TGM7: variants seen among roughly 807,000 people sequenced by gnomAD.
The protein encoded by TGM7 is protein-glutamine gamma-glutamyltransferase Z.
Under a neutral mutation model 79.5 loss-of-function variants are expected in TGM7, and 74 were observed. That is an observed-to-expected ratio of 0.93 (90% CI 0.77 to 1.13). The LOEUF (loss-of-function observed/expected upper bound fraction) is 1.13, where lower values mean the gene tolerates loss of function less well. Among genes scored for constraint, TGM7 ranks in the 50% most tolerant of loss-of-function variants. The pLI, the probability that TGM7 is intolerant of heterozygous loss-of-function variation, is 0.00. For synonymous variants in TGM7, 354 were observed against 362.5 expected (o/e 0.98, Z 0.27); for missense variants, 912 against 905.9 (o/e 1.01, Z -0.09).
intron 7 of TGM7, 119 bp downstream of exon 7, chr15:43,284,695 A>T (rs1057023208): frequency 4.0e-6 from 5 of 1,250,508 alleles, no homozygotes; most frequent in Non-Finnish European, 5.7e-6. Context: ...TTCTCTGAGC[A>T]TTAGCAGCAA....
chr15:43,289,307 G>A (rs1320584425), intron 4 of TGM7, among the ~76,000 whole-genome samples: 5 of 151,590 alleles, frequency 3.3e-5, no homozygotes, highest in East Asian at 3.9e-4. Flanking sequence ...GTGAGGACAT[G>A]TGGTGTTTGG....
chr15:43,297,654 A>AAAGAAAGAAAAAGC, intron 1 of TGM7, among the ~76,000 whole-genome samples: 1 of 152,336 alleles, frequency 6.6e-6, no homozygotes, highest in African/African-American at 2.4e-5. Flanking sequence ...AAAGAAAAAG[A>AAAGAAAGAAAAAGC]CATTGAAACA....
Position 43,287,303 on chromosome 15 carries a change from A to ACCCAGCACTGCCCTTCCAGTG in TGM7, c.841_842insCACTGGAAGGGCAGTGCTGGG (p.Trp280_Val281insAlaLeuGluGlyGlnCysTrp). The ACCCAGCACTGCCCTTCCAGTG allele has an allele frequency of 6.2e-6, 10 of 1,613,662 alleles. No individual in the cohort carries two copies. The highest frequency in any genetic ancestry group is 7.6e-6 in the Non-Finnish European group (9 of 1,180,002). ...ACCGGTGCACATAACAGAGGCGAAG[A>ACCCAGCACTGCCCTTCCAGTG]CCCAGCACTGTCCGTACTTCACAGG... On this transcript the variant is annotated inframe_insertion, in exon 6 of 13. Transcript: ENST00000452443.
At chr15:43,279,400 G>T in intron 10 of TGM7, 123 bp from the exon 11 acceptor site, 1 of 1,210,608 alleles carries the variant, frequency 8.3e-7, no homozygotes, top group Non-Finnish European at 1.2e-6. Context: ...GTGAGAGACA[G>T]ACAGACAGCG....
At chr15:43,295,194 C>T (rs140519459) in intron 1 of TGM7, among the ~76,000 whole-genome samples, 278 of 152,328 alleles carry the variant, frequency 1.8e-3, no homozygotes, top group South Asian at 0.015. Context: ...CAGTCTTCAT[C>T]TAAGTAATCA....
At chr15:43,301,944 G>A (rs2043027374) in intron 1 of TGM7, among the ~76,000 whole-genome samples, 1 of 152,188 alleles carries the variant, frequency 6.6e-6, no homozygotes, top group African/African-American at 2.4e-5. Flanking sequence ...GACACCTGGT[G>A]GCAGGGGCCA....
intron 3 of TGM7, among the ~76,000 whole-genome samples, chr15:43,292,432 G>A (rs966407363): frequency 2.6e-5 from 4 of 152,102 alleles, no homozygotes; most frequent in Admixed American, 6.6e-5. Flanking sequence ...GACACCCACC[G>A]TTATGTTTTG....
intron 1 of TGM7, among the ~76,000 whole-genome samples, chr15:43,294,235 G>A (rs1489377784): frequency 6.6e-6 from 1 of 152,188 alleles, no homozygotes; most frequent in Non-Finnish European, 1.5e-5. Context: ...CACTCTCTGG[G>A]TCACTTGTAA....
At position 43,276,867 on chromosome 15, in the gene TGM7, T is replaced by C. The variant is rs1482087637; in HGVS notation, c.1968A>G (p.Ala656=). 1.2e-6 allele frequency: 2 copies of C among 1,614,060 alleles called. No individual in the cohort carries two copies. Among genetic ancestry groups the C allele is most frequent in the Admixed American group, 3.3e-5 (2 of 60,010 alleles). ...EGSGLINGQI[A]KDLGTLVAGH... Reference sequence around the variant, plus strand: ...TGGGCAGAAGCGTCACTTACTCCTTTGCTATCTGCCCATTGATGAGGCCGC... The same window carrying C: ...TGGGCAGAAGCGTCACTTACTCCTTCGCTATCTGCCCATTGATGAGGCCGC... Residue 656 remains alanine, a synonymous_variant, in exon 12 of 13, where the codon GCA becomes GCG. Coordinates refer to ENST00000452443, the MANE Select transcript of TGM7 (RefSeq NM_052955.3).
rs774044059 is a variant in TGM7, at chr15:43,292,924, C to T, written c.224G>A (p.Arg75Gln). Residue 75 changes from arginine to glutamine, a missense_variant, in exon 3 of 13, where the codon CGA becomes CAA. Coordinates refer to ENST00000452443, the MANE Select transcript of TGM7 (RefSeq NM_052955.3). ...GPKPSELLGT[R>Q]ATFFLTRVQP... Reference sequence around the variant, plus strand: ...GACCCGGGTGAGGAAGAATGTGGCTCGGGTCCCCAGCAGCTCTGACGGCTT... The same window carrying T: ...GACCCGGGTGAGGAAGAATGTGGCTTGGGTCCCCAGCAGCTCTGACGGCTT... The T allele has an allele frequency of 7.4e-6, 12 of 1,613,410 alleles. No individual in the cohort carries two copies. Among genetic ancestry groups the T allele is most frequent in the African/African-American group, 6.7e-5 (5 of 74,912 alleles).
In TGM7 at chr15:43,299,770, T is replaced by C. The variant is rs558010; in HGVS notation, c.10+2471A>G. On this transcript the variant is annotated intron_variant, in intron 1 of 12. Coordinates refer to ENST00000452443, the MANE Select transcript of TGM7 (RefSeq NM_052955.3). ...TGTCCATTTTTAGGACTTTTACAAA[T>C]ACGTTATTCTTTTTCATTTCTTCCC... Among the ~76,000 whole-genome samples the C allele has an allele frequency of 3.4e-3, 513 of 152,378 alleles. 1 individual carries two copies. Among genetic ancestry groups the C allele is most frequent in the African/African-American group, 0.011 (457 of 41,594 alleles).
chr15:43,283,679 GCCTAAGTTACATAT>G (rs1414968106), intron 7 of TGM7, among the ~76,000 whole-genome samples: 1 of 152,170 alleles, frequency 6.6e-6, no homozygotes, highest in Non-Finnish European at 1.5e-5. Context: ...ACAGAACTGT[GCCTAAGTTACATAT>G]CCTCAGATAC....
chr15:43,279,216 C>G lies in TGM7; in HGVS notation c.1740G>C (p.Lys580Asn). 10 of 1,614,170 alleles carry G rather than the reference C, an allele frequency of 6.2e-6. No individual in the cohort carries two copies. Among genetic ancestry groups the G allele is most frequent in the Non-Finnish European group, 8.5e-6 (10 of 1,180,034 alleles). The part of the protein sequence containing the change: ...SNYRNKLTDE[K>N]LIRVSGIAEV... ...CCGCGATGCCAGACACGCGGATGAG[C>G]TTTTCGTCCGTTAGCTTGTTTCTGT... is the stretch of plus-strand genomic sequence containing the variant. Residue 580 changes from lysine (K) to asparagine (N), a missense_variant, in exon 11 of 13, where the codon AAG becomes AAC. Lys to Asn is a moderately conservative substitution (Grantham distance 94, BLOSUM62 0). Transcript: ENST00000452443.
At position 43,282,535 on chromosome 15, in the gene TGM7, G is replaced by A. The variant is rs1466582042; in HGVS notation, c.1090C>T (p.Pro364Ser). ...CACTCACCACTGCTGGTCTGCTGGG[G>A]AGTGGGGTCCAGAACCTGCCACCCG... ...YNGWQVLDPT[P>S]QQTSSGLFCC... The change falls in exon 8 of 13, where the codon CCC becomes TCC. Residue 364 changes from proline (P) to serine (S), a missense_variant. Pro to Ser is a moderately conservative substitution (Grantham distance 74). Transcript: ENST00000452443. 1 of 1,594,418 alleles carries A rather than the reference G, an allele frequency of 6.3e-7. No homozygotes were observed. The highest frequency in any genetic ancestry group is 8.5e-7 in the Non-Finnish European group (1 of 1,169,608).
At chr15:43,300,932 C>T (rs2043022393) in intron 1 of TGM7, among the ~76,000 whole-genome samples, 1 of 152,190 alleles carries the variant, frequency 6.6e-6, no homozygotes, top group Non-Finnish European at 1.5e-5. Flanking sequence ...CTTCTTGAGC[C>T]TTCTCTGTCA....
At position 43,293,599 on chromosome 15, in the gene TGM7, G is replaced by T; in HGVS notation, c.43C>A (p.Gln15Lys). Residue 15 changes from glutamine (Q) to lysine (K), a missense_variant, in exon 2 of 13, where the codon CAG becomes AAG. Physicochemically the swap from Gln to Lys is moderately conservative, Grantham distance 53. Transcript: ENST00000452443. ...ATLRLESVDL[Q>K]SSRNNKEHHT... ...TGCTCCTTGTTGTTCCTGGAGCTCT[G>T]CAGGTCGACAGACTCAAGCCGCAAG... 6.2e-7 allele frequency: 1 copy of T among 1,609,202 alleles called. No homozygotes were observed. The highest frequency in any genetic ancestry group is 1.3e-5 in the African/African-American group (1 of 74,254).
rs542860879 is a variant in TGM7, at chr15:43,299,785, C to T, written c.10+2456G>A. Among the ~76,000 whole-genome samples the T allele has an allele frequency of 2.6e-5, 4 of 152,250 alleles. No individual in the cohort carries two copies. In the South Asian group the frequency reaches 8.3e-4, roughly 32 times the overall value. On this transcript the variant is annotated intron_variant, in intron 1 of 12. Transcript: ENST00000452443. ...CTTTTACAAATACGTTATTCTTTTT[C>T]ATTTCTTCCCTTCTTACAAAATGTG...
chr15:43,293,671 C>T (rs767614539), intron 1 of TGM7, 40 bp from the exon 2 acceptor site: 16 of 1,501,414 alleles, frequency 1.1e-5, no homozygotes, highest in African/African-American at 1.0e-4. Context: ...CACCTGCAGT[C>T]CCCTGGGCTC....
rs754571927 is a variant in TGM7, at chr15:43,292,790, T to C, written c.358A>G (p.Ile120Val). 6.2e-7 allele frequency: 1 copy of C among 1,614,150 alleles called. No homozygotes were observed. The highest frequency in any genetic ancestry group is 1.1e-5 in the South Asian group (1 of 91,086). The change falls in exon 3 of 13, where the codon ATA becomes GTA. Residue 120 changes from isoleucine (I) to valine (V), a missense_variant. Ile to Val is a conservative substitution (Grantham distance 29). Coordinates refer to ENST00000452443, the MANE Select transcript of TGM7 (RefSeq NM_052955.3). ...TGACCTTGGCCCTGAGAGATCTCTA[T>C]TTTCAGAGTGTAATGGCCAATAACT... ...NAVIGHYTLKIEISQGQGHSV... is the reference protein window; with the variant it reads ...NAVIGHYTLKVEISQGQGHSV...
Sources: gnomAD v4.1 joint callset for allele counts (sites outside exome capture counted in the v4.1 genomes callset) on GRCh38, gnomAD v4.1.1 for gene constraint, MANE v1.5 for transcripts, NCBI Gene and HGNC (gene_info 2026-07-23, HGNC 2026-07-21) for gene names.